GEMIN2: variants seen among roughly 807,000 people sequenced by gnomAD.
GEMIN2 encodes the protein gem nuclear organelle associated protein 2.
Under a neutral mutation model 45.8 loss-of-function variants are expected in GEMIN2, and 37 were observed. The ratio of observed to expected loss-of-function variants is 0.81; its 90% confidence interval spans 0.62 to 1.06. GEMIN2 has a LOEUF of 1.06. GEMIN2 is among the 50% of genes least tolerant of loss of function. GEMIN2 has a pLI of 0.00. For synonymous variants in GEMIN2, 101 were observed against 111.5 expected (o/e 0.91, Z 0.60); for missense variants, 335 against 321.8 (o/e 1.04, Z -0.31).
chr14:39,115,111 C>G (rs78040070), intron 2 of GEMIN2, among the ~76,000 whole-genome samples, 198 bp downstream of exon 2: 1 of 152,162 alleles, frequency 6.6e-6, no homozygotes, highest in Admixed American at 6.5e-5. Context: ...GTAACTCTAG[C>G]CTTTGTGGAG....
intron 7 of GEMIN2, 132 bp downstream of exon 7, chr14:39,128,480 CTT>C (rs1253528442): frequency 2.6e-5 from 6 of 235,076 alleles, no homozygotes. Flanking sequence ...TTCTTTTTTT[CTT>C]TTCTTTTTTT....
In GEMIN2 at chr14:39,114,345, T is replaced by A. The variant is rs766947124; in HGVS notation, c.7T>A (p.Trp3Arg). The A allele has an allele frequency of 6.2e-7, 1 of 1,613,954 alleles. No homozygotes were observed. Among genetic ancestry groups the A allele is most frequent in the East Asian group, 2.2e-5 (1 of 44,874 alleles). Residue 3 changes from tryptophan to arginine, a missense_variant, in exon 1 of 10, where the codon TGG becomes AGG. By Grantham distance (101) the Trp-to-Arg change is moderately radical (BLOSUM62 -3). Coordinates refer to ENST00000308317, the MANE Select transcript of GEMIN2 (RefSeq NM_003616.3). Reference sequence around the variant, plus strand: ...ACTGGCTGGTTTGAAAACCATGGCGTGGGTACCAGCGGAGTCCGCAGTGGA... The same window carrying A: ...ACTGGCTGGTTTGAAAACCATGGCGAGGGTACCAGCGGAGTCCGCAGTGGA... MA[W>R]VPAESAVEEL...
chr14:39,136,593 G>C lies in GEMIN2; in HGVS notation c.*114G>C. On this transcript the variant is annotated 3_prime_UTR_variant, in exon 10 of 10. Coordinates refer to ENST00000308317, the MANE Select transcript of GEMIN2 (RefSeq NM_003616.3). ...ACACATCTTCAACACTATGTGAAGGGTTCACATCTTAACCTGTGCAATTCA... is the reference window on the plus strand; with the variant it reads ...ACACATCTTCAACACTATGTGAAGGCTTCACATCTTAACCTGTGCAATTCA... 3.7e-6 allele frequency: 3 copies of C among 803,834 alleles called. No homozygotes were observed. Among genetic ancestry groups the C allele is most frequent in the Non-Finnish European group, 6.4e-6 (3 of 465,980 alleles). The allele number at this position is 803,834 out of a possible 1,614,324, so 49.8% of individuals were successfully genotyped here.
intron 9 of GEMIN2, among the ~76,000 whole-genome samples, chr14:39,135,019 G>A (rs566722088): frequency 6.6e-6 from 1 of 152,154 alleles, no homozygotes; most frequent in Non-Finnish European, 1.5e-5. Context: ...AGCTCTGTTG[G>A]ACTTGATTTT....
chr14:39,132,580 C>T (rs1472052044), intron 8 of GEMIN2, among the ~76,000 whole-genome samples: 1 of 151,402 alleles, frequency 6.6e-6, no homozygotes, highest in East Asian at 1.9e-4. Context: ...TGGCAGTAAC[C>T]CACCCACACC....
intron 7 of GEMIN2, among the ~76,000 whole-genome samples, chr14:39,129,191 TCAGTA>T (rs2052684238): frequency 6.6e-6 from 1 of 152,264 alleles, no homozygotes; most frequent in East Asian, 1.9e-4. Flanking sequence ...CCTACAGTAT[TCAGTA>T]TAGTAATGTG....
intron 6 of GEMIN2, among the ~76,000 whole-genome samples, chr14:39,127,413 G>A (rs2052658853): frequency 6.9e-6 from 1 of 144,340 alleles, no homozygotes; most frequent in Non-Finnish European, 1.5e-5. Context: ...CAAAATCCTG[G>A]CTCACTGCAA....
chr14:39,128,156 A>C (rs566365346), intron 6 of GEMIN2, 124 bp from the exon 7 acceptor site: 1 of 628,254 alleles, frequency 1.6e-6, no homozygotes, highest in Admixed American at 3.1e-5. Context: ...TTTCTTTGAA[A>C]GTTTAAAGAA....
At chr14:39,122,909 A>G (rs1459023676) in intron 5 of GEMIN2, among the ~76,000 whole-genome samples, 1 of 152,150 alleles carries the variant, frequency 6.6e-6, no homozygotes, top group Non-Finnish European at 1.5e-5. Context: ...TAATCATTTT[A>G]TGAGTTGGAT....
At chr14:39,122,313 C>A in intron 4 of GEMIN2, 117 bp from the exon 5 acceptor site, 1 of 618,278 alleles carries the variant, frequency 1.6e-6, no homozygotes, top group Non-Finnish European at 2.9e-6. Context: ...CCATAACTGG[C>A]TCCGTATCTT....
intron 7 of GEMIN2, among the ~76,000 whole-genome samples, chr14:39,130,986 T>C (rs960393823): frequency 6.6e-6 from 1 of 151,832 alleles, no homozygotes; most frequent in Non-Finnish European, 1.5e-5. Flanking sequence ...ATATTACAAC[T>C]GATGAAATTG....
chr14:39,117,778 C>G (rs1309448336), intron 2 of GEMIN2, among the ~76,000 whole-genome samples: 1 of 151,948 alleles, frequency 6.6e-6, no homozygotes, highest in Non-Finnish European at 1.5e-5. Flanking sequence ...CCAGATTTCT[C>G]TGATTAAGGT....
intron 8 of GEMIN2, among the ~76,000 whole-genome samples, chr14:39,133,073 GAATA>G (rs1414100759): frequency 7.3e-6 from 1 of 137,088 alleles, no homozygotes; most frequent in African/African-American, 2.6e-5. Flanking sequence ...ATTCAGTAAT[GAATA>G]TATATAAGAA....
chr14:39,117,100 C>T (rs2052518303), intron 2 of GEMIN2, among the ~76,000 whole-genome samples: 1 of 151,948 alleles, frequency 6.6e-6, no homozygotes, highest in African/African-American at 2.4e-5. Flanking sequence ...TGGAGAAACC[C>T]CATCTCTACT....
chr14:39,128,149 C>T (rs936818685), intron 6 of GEMIN2, 131 bp from the exon 7 acceptor site: 2 of 394,218 alleles, frequency 5.1e-6, no homozygotes, highest in Non-Finnish European at 9.3e-6. Context: ...AATTAGCTTT[C>T]TTTGAAAGTT....
At position 39,115,940 on chromosome 14, in the gene GEMIN2, CAAAT is replaced by C. The variant is rs537031678; in HGVS notation, c.222+1030_222+1033del. On this transcript the variant is annotated intron_variant, in intron 2 of 9. Transcript: ENST00000308317. The stretch of plus-strand genomic sequence containing the variant: ...GGAAGACAGAGAGTAAACAAGCAAA[CAAAT>C]AATTACATATTGTGATTATTGCTAT... Among the ~76,000 whole-genome samples, 582 of 152,134 alleles carry C rather than the reference CAAAT, an allele frequency of 3.8e-3. 3 individuals are homozygous for C. Among genetic ancestry groups the C allele is most frequent in the Admixed American group, 5.3e-3 (81 of 15,286 alleles).
At chr14:39,132,870 G>C (rs1368139367) in intron 8 of GEMIN2, among the ~76,000 whole-genome samples, 1 of 150,206 alleles carries the variant, frequency 6.7e-6, no homozygotes, top group Non-Finnish European at 1.5e-5. Context: ...GTAGAGACAG[G>C]GTTTCACCAT....
intron 6 of GEMIN2, among the ~76,000 whole-genome samples, chr14:39,127,090 C>CT (rs35988558): frequency 0.3 from 37,319 of 124,448 alleles, 6,029 homozygotes; most frequent in Middle Eastern, 0.38. Context: ...ACAAATACAT[C>CT]TTTTTTTTTT....
In GEMIN2 at chr14:39,114,895, G is replaced by A; in HGVS notation, c.204G>A (p.Lys68=). 6.5e-7 allele frequency: 1 copy of A among 1,536,434 alleles called. No individual in the cohort carries two copies. The highest frequency in any genetic ancestry group is 2.2e-5 in the East Asian group (1 of 44,526). The part of the protein sequence containing the change: ...AQIDPKKLKR[K]QSVNISLSGC... ...TTGACCCAAAGAAGTTGAAAAGGAA[G>A]CAAAGTGTGAATATTTCTGTGAGTT... Residue 68 remains lysine (K), a synonymous_variant, in exon 2 of 10, where the codon AAG becomes AAA. Coordinates refer to ENST00000308317, the MANE Select transcript of GEMIN2 (RefSeq NM_003616.3).
Sources: allele counts gnomAD v4.1 joint callset (sites outside exome capture counted in the v4.1 genomes callset), GRCh38; gene constraint gnomAD v4.1.1; transcripts MANE v1.5; gene names NCBI Gene and HGNC (gene_info 2026-07-23, HGNC 2026-07-21).